Variants in DPYSL5 observed in about 807,000 individuals in gnomAD.
The protein encoded by DPYSL5 is dihydropyrimidinase-related protein 5.
A neutral mutation model predicts 58.4 loss-of-function variants in DPYSL5; 9 were observed. That is an observed-to-expected ratio of 0.15 (90% CI 0.09 to 0.27). DPYSL5 has a LOEUF of 0.27. Ranked by LOEUF, DPYSL5 falls within the 10% of genes least tolerant of loss-of-function variation. DPYSL5 has a pLI of 1.00. For missense variants in DPYSL5, 499 were observed against 770.6 expected, an observed-to-expected ratio of 0.65 and a Z score of 4.17; for synonymous variants, 293 against 301.9, an observed-to-expected ratio of 0.97 and a Z score of 0.31.
chr2:26,851,445 C>A (rs1665752341), intron 1 of DPYSL5, among the ~76,000 whole-genome samples: 1 of 119,774 alleles, frequency 8.3e-6, no homozygotes, highest in Non-Finnish European at 1.8e-5. Flanking sequence ...CACAGCAAGG[C>A]AAGTTTACAC....
chr2:26,886,046 A>G (rs1040045312), intron 1 of DPYSL5, among the ~76,000 whole-genome samples: 4 of 152,148 alleles, frequency 2.6e-5, no homozygotes, highest in Non-Finnish European at 5.9e-5. Context: ...ACCCAGTAGA[A>G]TGGTCCAGTG....
Position 26,940,012 on chromosome 2 carries a change from C to T in DPYSL5, c.948-19C>T, listed in dbSNP as rs1273301537. 3 of 1,613,946 alleles carry T rather than the reference C, an allele frequency of 1.9e-6. No individual in the cohort carries two copies. The highest frequency in any genetic ancestry group is 2.2e-5 in the South Asian group (2 of 91,064). On this transcript the variant is annotated intron_variant, in intron 8 of 12. Coordinates refer to ENST00000288699, the MANE Select transcript of DPYSL5 (RefSeq NM_020134.4). Reference sequence around the variant, plus strand: ...TCACCTCCCCTCCCCTTACTGGTCACCTCCTTTTCTCTACCCAGTGACACT... The same window carrying T: ...TCACCTCCCCTCCCCTTACTGGTCATCTCCTTTTCTCTACCCAGTGACACT...
chr2:26,931,596 G>A (rs1348927916), intron 5 of DPYSL5, 44 bp from the exon 6 acceptor site: 2 of 1,612,418 alleles, frequency 1.2e-6, no homozygotes, highest in Non-Finnish European at 1.7e-6. Flanking sequence ...ATCCTTGGAG[G>A]AGATGGTGAA....
intron 8 of DPYSL5, among the ~76,000 whole-genome samples, chr2:26,936,945 T>TAAAAACAAAAAAAAA (rs1665194723): frequency 1.3e-5 from 1 of 77,872 alleles, no homozygotes; most frequent in Non-Finnish European, 2.4e-5. Flanking sequence ...AGACTTCATT[T>TAAAAACAAAAAAAAA]AAAAAAAAAA....
At position 26,942,690 on chromosome 2, in the gene DPYSL5, G is replaced by A; in HGVS notation, c.1380G>A (p.Lys460=). Residue 460 remains lysine (K), a synonymous_variant, in exon 11 of 13, where the codon AAG becomes AAA. Coordinates refer to ENST00000288699, the MANE Select transcript of DPYSL5 (RefSeq NM_020134.4). This position sits in a 1 kb window ranked among gnomAD's most constrained non-coding sequence, Gnocchi z 5.9. Reference sequence around the variant, plus strand: ...TCATGTGCGCCGAGGGCACCGGCAAGTTCTGTCCCCTGAGGTCCTTCCCAG... The same window carrying A: ...TCATGTGCGCCGAGGGCACCGGCAAATTCTGTCCCCTGAGGTCCTTCCCAG... ...GVFMCAEGTG[K]FCPLRSFPDT... 1.2e-6 allele frequency: 2 copies of A among 1,614,160 alleles called. No individual in the cohort carries two copies. Among genetic ancestry groups the A allele is most frequent in the Admixed American group, 1.7e-5 (1 of 60,024 alleles).
chr2:26,947,189 G>A lies in DPYSL5; in HGVS notation c.*194G>A. The A allele has an allele frequency of 1.8e-6, 1 of 567,506 alleles. No individual in the cohort carries two copies. The allele number at this position is 567,506 out of a possible 1,614,324, so 35.2% of individuals were successfully genotyped here. A position where few individuals can be genotyped will look rare whatever the true frequency, so the allele number is the denominator to read the frequency against. ...GAGCCAACTCTAACAGGCACTTTGA[G>A]ATGTGTTCCTCCTGCTGTAGTCCTT... On this transcript the variant is annotated 3_prime_UTR_variant, in exon 13 of 13. Transcript: ENST00000288699. This position sits in a 1 kb window ranked among gnomAD's most constrained non-coding sequence, Gnocchi z 4.2.
At chr2:26,883,231 C>T (rs1187281729) in intron 1 of DPYSL5, among the ~76,000 whole-genome samples, 3 of 152,136 alleles carry the variant, frequency 2.0e-5, no homozygotes, top group Admixed American at 2.0e-4. Context: ...GATAGATAAC[C>T]ACTGCCAGAG....
At position 26,925,229 on chromosome 2, in the gene DPYSL5, A is replaced by G. The variant is rs2148158519; in HGVS notation, c.420+184A>G. Among the ~76,000 whole-genome samples the G allele has an allele frequency of 1.3e-5, 2 of 152,318 alleles. No individual in the cohort carries two copies. The highest frequency in any genetic ancestry group is 6.8e-3 in the Middle Eastern group (2 of 294). On this transcript the variant is annotated intron_variant, in intron 3 of 12. Coordinates refer to ENST00000288699, the MANE Select transcript of DPYSL5 (RefSeq NM_020134.4). This position sits in a 1 kb window ranked among gnomAD's most constrained non-coding sequence, Gnocchi z 4.5. ...GGGAGCGGATGGGCTTGTGCTGCTTAACTTAATGAGCCATTTTCCGGCAGG... is the reference window on the plus strand; with the variant it reads ...GGGAGCGGATGGGCTTGTGCTGCTTGACTTAATGAGCCATTTTCCGGCAGG...
At chr2:26,900,713 G>A (rs1664137382) in intron 2 of DPYSL5, among the ~76,000 whole-genome samples, 1 of 152,174 alleles carries the variant, frequency 6.6e-6, no homozygotes, top group East Asian at 1.9e-4. Context: ...TAGTGTAAGA[G>A]AGGCCACAGT....
intron 1 of DPYSL5, among the ~76,000 whole-genome samples, chr2:26,882,776 G>T (rs1331203945): frequency 3.9e-5 from 6 of 151,968 alleles, no homozygotes; most frequent in African/African-American, 1.4e-4. Context: ...AGCCAGAGGT[G>T]GTGGGGTGCA....
At chr2:26,860,749 A>G (rs1291130731) in intron 1 of DPYSL5, among the ~76,000 whole-genome samples, 1 of 152,240 alleles carries the variant, frequency 6.6e-6, no homozygotes, top group Non-Finnish European at 1.5e-5. Flanking sequence ...TCTCTAATAT[A>G]TATCATTGAA....
intron 1 of DPYSL5, among the ~76,000 whole-genome samples, chr2:26,897,044 T>A (rs78547234): frequency 1.0e-3 from 157 of 152,344 alleles, no homozygotes; most frequent in African/African-American, 3.5e-3. Context: ...GTGGCCTTGC[T>A]TATTTGTTCT....
chr2:26,871,913 C>A (rs1400293871), intron 1 of DPYSL5, among the ~76,000 whole-genome samples: 2 of 151,926 alleles, frequency 1.3e-5, no homozygotes, highest in Non-Finnish European at 2.9e-5. Context: ...ACAATGAAAG[C>A]CAACAGTATT....
chr2:26,933,124 CTG>C lies in DPYSL5; in HGVS notation c.715-132_715-131del. The stretch of plus-strand genomic sequence containing the variant: ...CAGCCCTGCATTCTCCGCTTAAGGA[CTG>C]TCACCTTGAGGGTGGGGTTGAGTGA... On this transcript the variant is annotated intron_variant, in intron 6 of 12. Coordinates refer to ENST00000288699, the MANE Select transcript of DPYSL5 (RefSeq NM_020134.4). The surrounding 1 kb of genome is among the most constrained non-coding windows in gnomAD (Gnocchi z 4.2). 2 of 774,434 alleles carry C rather than the reference CTG, an allele frequency of 2.6e-6. No homozygotes were observed. The highest frequency in any genetic ancestry group is 3.0e-5 in the South Asian group (2 of 67,138). The allele number at this position is 774,434 out of a possible 1,614,324, so 48.0% of individuals were successfully genotyped here. A position where few individuals can be genotyped will look rare whatever the true frequency, so the allele number is the denominator to read the frequency against.
chr2:26,869,839 G>A (rs909641484), intron 1 of DPYSL5, among the ~76,000 whole-genome samples: 14 of 152,134 alleles, frequency 9.2e-5, no homozygotes, highest in Middle Eastern at 3.4e-3. Flanking sequence ...GTGAAATGCC[G>A]TCTCTACTAA....
chr2:26,938,724 T>C (rs745831051), intron 8 of DPYSL5: 3 of 152,108 alleles, frequency 2.0e-5, no homozygotes, highest in Non-Finnish European at 4.4e-5. Flanking sequence ...TCTCCTGGAG[T>C]GGGCATCTTA....
At chr2:26,917,202 T>G (rs180889651) in intron 2 of DPYSL5, among the ~76,000 whole-genome samples, 1 of 152,328 alleles carries the variant, frequency 6.6e-6, no homozygotes, top group African/African-American at 2.4e-5. Context: ...GTCTGATTCT[T>G]GTCAGGATAC....
chr2:26,935,425 C>T (rs1665146098), intron 8 of DPYSL5, among the ~76,000 whole-genome samples: 1 of 152,128 alleles, frequency 6.6e-6, no homozygotes, highest in African/African-American at 2.4e-5. Context: ...CAGTGGTTCA[C>T]ACCTGTAATC....
intron 8 of DPYSL5, chr2:26,939,713 C>A: frequency 3.5e-6 from 1 of 284,910 alleles, no homozygotes; most frequent in Non-Finnish European, 6.7e-6. Context: ...GTAGAACTAC[C>A]TCCACCATCT....
Sources: gnomAD v4.1 joint callset for allele counts (sites outside exome capture counted in the v4.1 genomes callset) on GRCh38, gnomAD v4.1.1 for gene constraint, Gnocchi (gnomAD v3.1) non-coding constraint, MANE v1.5 for transcripts, NCBI Gene and HGNC (gene_info 2026-07-23, HGNC 2026-07-21) for gene names.